The following LDB3 variants were observed in gnomAD, a reference collection of about 807,000 sequenced individuals.
The protein encoded by LDB3 is LIM domain binding 3.
Under a neutral mutation model 69.0 loss-of-function variants are expected in LDB3, and 49 were observed. The observed-to-expected ratio is 0.71, with a 90% confidence interval of 0.56 to 0.90. The LOEUF (loss-of-function observed/expected upper bound fraction) is 0.90. LDB3 is among the 40% of genes least tolerant of loss of function. The pLI is 0.00. For synonymous variants in LDB3, 387 were observed against 396.2 expected (o/e 0.98, Z 0.28); for missense variants, 928 against 974.1 (o/e 0.95, Z 0.63).
chr10:86,680,224 C>CAAAGACCA, intron 4 of LDB3, 67 bp downstream of exon 4: 1 of 1,451,866 alleles, frequency 6.9e-7, no homozygotes, highest in Non-Finnish European at 9.6e-7. Context: ...CCTGGCCAGC[C>CAAAGACCA]TGCCTGGTCT....
chr10:86,696,497 C>T (rs1307921870), intron 7 of LDB3, among the ~76,000 whole-genome samples: 1 of 152,166 alleles, frequency 6.6e-6, no homozygotes, highest in Non-Finnish European at 1.5e-5. Flanking sequence ...TCTCCTGGCT[C>T]CTTTCCTTGG....
intron 5 of LDB3, among the ~76,000 whole-genome samples, chr10:86,683,895 CG>C (rs1845298546): frequency 6.6e-6 from 1 of 152,046 alleles, no homozygotes; most frequent in Non-Finnish European, 1.5e-5. Flanking sequence ...AACCCACCTG[CG>C]GGGTAGGCAC....
In LDB3 at chr10:86,716,450, C is replaced by T; in HGVS notation, c.1355C>T (p.Thr452Ile). The T allele has an allele frequency of 6.2e-7, 1 of 1,602,786 alleles. No individual in the cohort carries two copies. The highest frequency in any genetic ancestry group is 8.5e-7 in the Non-Finnish European group (1 of 1,175,496). Residue 452 changes from threonine (T) to isoleucine (I), a missense_variant, in exon 10 of 14, where the codon ACC becomes ATC. Physicochemically the swap from Thr to Ile is moderately conservative, Grantham distance 89. Coordinates refer to ENST00000361373, the MANE Select transcript of LDB3 (RefSeq NM_007078.3). ...GCCTACACCCCCTCACCTGTCCCCACCTACACTCCATCCCCAGCACCAGCC... is the reference window on the plus strand; with the variant it reads ...GCCTACACCCCCTCACCTGTCCCCATCTACACTCCATCCCCAGCACCAGCC... ...APAYTPSPVP[T>I]YTPSPAPAYT...
intron 10 of LDB3, 111 bp downstream of exon 10, chr10:86,716,882 G>A: frequency 1.7e-6 from 2 of 1,211,942 alleles, no homozygotes; most frequent in Non-Finnish European, 2.4e-6. Flanking sequence ...GGCAGGTGTA[G>A]GGAGAAAGCC....
chr10:86,672,090 G>A (rs981904752), intron 2 of LDB3, among the ~76,000 whole-genome samples: 1 of 132,146 alleles, frequency 7.6e-6, no homozygotes, highest in Non-Finnish European at 1.6e-5. Context: ...CCATTCTGGG[G>A]GCAGAGTGAG....
At chr10:86,710,141 C>T in intron 9 of LDB3, 91 bp downstream of exon 9, 1 of 1,562,930 alleles carries the variant, frequency 6.4e-7, no homozygotes, top group Non-Finnish European at 8.6e-7. Flanking sequence ...GGGGCACATC[C>T]CCAGAAGAAT....
Position 86,709,952 on chromosome 10 carries a change from C to T in LDB3, c.1133C>T (p.Pro378Leu), listed in dbSNP as rs758933764. 1.2e-6 allele frequency: 2 copies of T among 1,612,936 alleles called. No homozygotes were observed. Among genetic ancestry groups the T allele is most frequent in the South Asian group, 1.1e-5 (1 of 91,082 alleles). The change falls in exon 9 of 14, where the codon CCT becomes CTT. Residue 378 changes from proline (P) to leucine (L), a missense_variant. Transcript: ENST00000361373. ...YSPAVAASSA[P>L]ATHTSYSEGP... ...CCCGCAGTGGCCGCCTCTTCAGCAC[C>T]TGCCACCCACACCAGCTACAGTGAG...
At chr10:86,731,225 CTTT>C (rs200417366) in intron 13 of LDB3, among the ~76,000 whole-genome samples, 1 of 115,878 alleles carries the variant, frequency 8.6e-6, no homozygotes, top group Non-Finnish European at 1.7e-5. Flanking sequence ...CCATATCTAC[CTTT>C]TTTTTTTTTT....
chr10:86,686,009 T>C (rs1589632404), intron 5 of LDB3, among the ~76,000 whole-genome samples: 1 of 152,082 alleles, frequency 6.6e-6, no homozygotes, highest in Non-Finnish European at 1.5e-5. Context: ...ACACAGGCTG[T>C]GCTGCTGCTG....
intron 7 of LDB3, among the ~76,000 whole-genome samples, chr10:86,697,549 CTTTTTTT>C (rs71019409): frequency 2.4e-5 from 2 of 83,942 alleles, no homozygotes; most frequent in Non-Finnish European, 4.2e-5. Context: ...TTCTTTCTTT[CTTTTTTT>C]TTTTTTTTTT....
At position 86,679,499 on chromosome 10, in the gene LDB3, T is replaced by C. The variant is rs775930522; in HGVS notation, c.226T>C (p.Leu76=). 6.2e-7 allele frequency: 1 copy of C among 1,613,976 alleles called. No homozygotes were observed. The highest frequency in any genetic ancestry group is 1.7e-5 in the Admixed American group (1 of 60,018). ...QNKIKSASYN[L]SLTLQKSKRP... The stretch of plus-strand genomic sequence containing the variant: ...CAAGATCAAGTCTGCCAGCTACAAC[T>C]TGAGCCTCACCCTGCAGAAGTAGGT... The change falls in exon 3 of 14, where the codon TTG becomes CTG. Residue 76 remains leucine (L), a synonymous_variant. Transcript: ENST00000361373.
At chr10:86,727,164 G>T (rs1207121165) in intron 13 of LDB3, among the ~76,000 whole-genome samples, 2 of 151,986 alleles carry the variant, frequency 1.3e-5, no homozygotes, top group African/African-American at 4.8e-5. Context: ...GGGACTACAG[G>T]CACATGCCAC....
Position 86,733,201 on chromosome 10 carries a change from C to A in LDB3, c.*225C>A. The A allele has an allele frequency of 1.9e-6, 1 of 514,516 alleles. No individual in the cohort carries two copies. The highest frequency in any genetic ancestry group is 3.5e-6 in the Non-Finnish European group (1 of 282,876). 31.9% of individuals were successfully genotyped at this position (514,516 alleles called of 1,614,324 possible). A position where few individuals can be genotyped will look rare whatever the true frequency, so the allele number is the denominator to read the frequency against. ...ACTCAAAACCAAGCTAGTTATTAAT[C>A]CAAGACTGGAATTGTACTTCAGACA... On this transcript the variant is annotated 3_prime_UTR_variant, in exon 14 of 14. Transcript: ENST00000361373.
At chr10:86,681,934 C>A in intron 5 of LDB3, 131 bp downstream of exon 5, 1 of 944,808 alleles carries the variant, frequency 1.1e-6, no homozygotes, top group Non-Finnish European at 1.6e-6. Context: ...CCCATGAGGT[C>A]AGCAGTGATC....
chr10:86,675,547 T>TG (rs1227660056), intron 2 of LDB3, among the ~76,000 whole-genome samples: 1 of 152,220 alleles, frequency 6.6e-6, no homozygotes, highest in Non-Finnish European at 1.5e-5. Context: ...GATGGGCATT[T>TG]GGGGGTGCCC....
chr10:86,716,014 C>T (rs1666413715), intron 9 of LDB3, among the ~76,000 whole-genome samples: 1 of 150,326 alleles, frequency 6.7e-6, no homozygotes, highest in Non-Finnish European at 1.5e-5. Flanking sequence ...CCCCACTCTG[C>T]GTCTTATGCA....
chr10:86,698,351 T>C (rs1846097352), intron 7 of LDB3, among the ~76,000 whole-genome samples: 1 of 152,218 alleles, frequency 6.6e-6, no homozygotes, highest in Non-Finnish European at 1.5e-5. Context: ...GGAAGCACCG[T>C]ACAGGTTAAA....
Position 86,733,094 on chromosome 10 carries a change from C to A in LDB3, c.*118C>A. ...TGGGGAGAGAGAGGAAGCGACTGAG[C>A]CCTTTGGAAGTATAATTTTAGGTTT... On this transcript the variant is annotated 3_prime_UTR_variant, in exon 14 of 14. Transcript: ENST00000361373. 2.7e-6 allele frequency: 2 copies of A among 753,496 alleles called. No individual in the cohort carries two copies. Among genetic ancestry groups the A allele is most frequent in the South Asian group, 1.5e-5 (1 of 66,944 alleles). The allele number at this position is 753,496 out of a possible 1,614,324, so 46.7% of individuals were successfully genotyped here. A position where few individuals can be genotyped will look rare whatever the true frequency, so the allele number is the denominator to read the frequency against.
chr10:86,676,082 A>G (rs1844776992), intron 2 of LDB3, among the ~76,000 whole-genome samples: 1 of 152,234 alleles, frequency 6.6e-6, no homozygotes, highest in African/African-American at 2.4e-5. Context: ...GGCTATGTGT[A>G]TTTTAAGAAA....
Sources: allele counts gnomAD v4.1 joint callset (sites outside exome capture counted in the v4.1 genomes callset), GRCh38; gene constraint gnomAD v4.1.1; transcripts MANE v1.5; gene names NCBI Gene and HGNC (gene_info 2026-07-23, HGNC 2026-07-21).